Variants in APPBP2 observed in about 807,000 individuals in gnomAD.
APPBP2 encodes amyloid beta precursor protein binding protein 2.
A neutral mutation model predicts 76.0 loss-of-function variants in APPBP2; 15 were observed. That is an observed-to-expected ratio of 0.20 (90% CI 0.13 to 0.30). APPBP2 has a LOEUF of 0.30. Ranked by LOEUF, APPBP2 falls within the 10% of genes least tolerant of loss-of-function variation. APPBP2 has a pLI of 1.00. For synonymous variants in APPBP2, 222 were observed against 242.2 expected, an observed-to-expected ratio of 0.92 and a Z score of 0.77; for missense variants, 401 against 687.2, an observed-to-expected ratio of 0.58 and a Z score of 4.66.
chr17:60,495,544 T>TCA (rs1397023213), intron 2 of APPBP2, among the ~76,000 whole-genome samples: 2 of 151,914 alleles, frequency 1.3e-5, no homozygotes, highest in African/African-American at 4.8e-5. Flanking sequence ...TGATCATAGC[T>TCA]CACTGTAGCC....
chr17:60,526,184 C>G lies in APPBP2; in HGVS notation c.-253G>C, dbSNP rs915634575. On this transcript the variant is annotated 5_prime_UTR_variant, in exon 1 of 13. Transcript: ENST00000083182. ...GGCCAAAAGCGTCACAATCCCGGTT[C>G]GAGAGGAACCCGGGTTCCGTCCCAG... 2 of 482,960 alleles carry G rather than the reference C, an allele frequency of 4.1e-6. No homozygotes were observed. Among genetic ancestry groups the G allele is most frequent in the South Asian group, 2.1e-5 (1 of 47,528 alleles). 29.9% of individuals were successfully genotyped at this position (482,960 alleles called of 1,614,324 possible).
intron 1 of APPBP2, among the ~76,000 whole-genome samples, chr17:60,520,133 G>T (rs1598378798): frequency 6.6e-6 from 1 of 152,014 alleles, no homozygotes; most frequent in Admixed American, 6.6e-5. Context: ...AGTTCAGGCT[G>T]TATGTAGCTA....
intron 1 of APPBP2, among the ~76,000 whole-genome samples, chr17:60,521,128 C>T (rs368554504): frequency 2.6e-5 from 4 of 152,110 alleles, no homozygotes; most frequent in East Asian, 3.9e-4. Flanking sequence ...ATCTTACCTG[C>T]TTTTATACCA....
At chr17:60,494,726 A>C in intron 2 of APPBP2, 109 bp from the exon 3 acceptor site, 1 of 1,054,892 alleles carries the variant, frequency 9.5e-7, no homozygotes, top group Non-Finnish European at 1.3e-6. Flanking sequence ...TCCAGGACGG[A>C]ATAAGATAAA....
chr17:60,491,383 T>C (rs1392424937), intron 3 of APPBP2, among the ~76,000 whole-genome samples: 2 of 152,314 alleles, frequency 1.3e-5, no homozygotes, highest in East Asian at 1.9e-4. Flanking sequence ...AAGAGGTGAC[T>C]GGAGTGCTGT....
chr17:60,447,870 A>T, intron 12 of APPBP2, 36 bp from the exon 13 acceptor site: 1 of 1,526,318 alleles, frequency 6.6e-7, no homozygotes, highest in Non-Finnish European at 8.8e-7. Flanking sequence ...AAAAAAAAGC[A>T]CAAATAATGA....
At chr17:60,458,498 C>A (rs1465695288) in intron 9 of APPBP2, among the ~76,000 whole-genome samples, 1 of 151,634 alleles carries the variant, frequency 6.6e-6, no homozygotes, top group Non-Finnish European at 1.5e-5. Flanking sequence ...ATTCTTCATT[C>A]TTTCTTTTAT....
At chr17:60,478,595 C>T (rs2090607341) in intron 4 of APPBP2, among the ~76,000 whole-genome samples, 1 of 152,166 alleles carries the variant, frequency 6.6e-6, no homozygotes, top group Non-Finnish European at 1.5e-5. Context: ...AATAAACAAA[C>T]AAGCTCTATG....
chr17:60,514,125 G>A (rs757945242), intron 1 of APPBP2, among the ~76,000 whole-genome samples: 5 of 151,664 alleles, frequency 3.3e-5, no homozygotes, highest in South Asian at 2.1e-4. Context: ...TGAACAATGC[G>A]GCAAAATCTC....
intron 12 of APPBP2, 141 bp from the exon 13 acceptor site, chr17:60,447,975 G>T: frequency 1.3e-6 from 1 of 780,782 alleles, no homozygotes; most frequent in Non-Finnish European, 2.0e-6. Context: ...TATAATTCTT[G>T]TATCAGCATC....
rs2090841808 is a variant in APPBP2, at chr17:60,503,743, AT to A, written c.139-3257del. ...TTTTGGATACCAATCCAGAAAAAAA[AT>A]AACTTCTAATCTTTTATGTGTCAGG... is the stretch of plus-strand genomic sequence containing the variant. On this transcript the variant is annotated intron_variant, in intron 1 of 12. Coordinates refer to ENST00000083182, the MANE Select transcript of APPBP2 (RefSeq NM_006380.5). 2.7e-5 allele frequency among the ~76,000 whole-genome samples: 4 copies of A among 146,960 alleles called. No homozygotes were observed. In the South Asian group the frequency reaches 6.2e-4, roughly 23 times the overall value.
rs1367002590 is a variant in APPBP2 at position 60,447,574 on chromosome 17, T to C, written c.*7A>G. 6.3e-7 allele frequency: 1 copy of C among 1,599,818 alleles called. No homozygotes were observed. Among genetic ancestry groups the C allele is most frequent in the Non-Finnish European group, 8.5e-7 (1 of 1,172,286 alleles). On this transcript the variant is annotated 3_prime_UTR_variant, in exon 13 of 13. Transcript: ENST00000083182. Reference sequence around the variant, plus strand: ...GGAAAAGGTAATTGGTTAACTGAGGTCCTCCCTCAGCAGCTCGGTCCCTCG... The same window carrying C: ...GGAAAAGGTAATTGGTTAACTGAGGCCCTCCCTCAGCAGCTCGGTCCCTCG...
intron 3 of APPBP2, among the ~76,000 whole-genome samples, chr17:60,490,541 T>A (rs755478034): frequency 6.6e-6 from 1 of 152,166 alleles, no homozygotes; most frequent in African/African-American, 2.4e-5. Flanking sequence ...TGTTGACACA[T>A]GCCTGTTGTC....
rs1008776312 is a variant in APPBP2, at chr17:60,523,876, C to A, written c.138+1918G>T. Among the ~76,000 whole-genome samples, 12 of 152,200 alleles carry A rather than the reference C, an allele frequency of 7.9e-5. No individual in the cohort carries two copies. The South Asian group carries it at 2.5e-3, about 32-fold the overall frequency. On this transcript the variant is annotated intron_variant, in intron 1 of 12. Coordinates refer to ENST00000083182, the MANE Select transcript of APPBP2 (RefSeq NM_006380.5). Reference sequence around the variant, plus strand: ...CAGGAACTAAATATCAGGTTTGAGACCTTAATTAAATTACTTAACTTTCTC... The same window carrying A: ...CAGGAACTAAATATCAGGTTTGAGAACTTAATTAAATTACTTAACTTTCTC...
chr17:60,495,045 C>T (rs182928470), intron 2 of APPBP2, among the ~76,000 whole-genome samples: 7 of 140,370 alleles, frequency 5.0e-5, no homozygotes, highest in East Asian at 2.2e-4. Context: ...AGTGCAGTGG[C>T]GTGGTCTCGG....
At chr17:60,503,733 C>T (rs1296440365) in intron 1 of APPBP2, among the ~76,000 whole-genome samples, 1 of 146,288 alleles carries the variant, frequency 6.8e-6, no homozygotes, top group Non-Finnish European at 1.5e-5. Context: ...GATACCAATC[C>T]AGAAAAAAAA....
At chr17:60,503,165 ACCAC>A (rs1567937540) in intron 1 of APPBP2, among the ~76,000 whole-genome samples, 1 of 144,796 alleles carries the variant, frequency 6.9e-6, no homozygotes, top group Non-Finnish European at 1.5e-5. Context: ...GGCGCGGGAT[ACCAC>A]GCCCAGGTAA....
chr17:60,485,794 G>A (rs1040898910), intron 3 of APPBP2, among the ~76,000 whole-genome samples: 2 of 151,988 alleles, frequency 1.3e-5, no homozygotes, highest in African/African-American at 2.4e-5. Context: ...GTGATGGTAG[G>A]GTGTGAATTG....
chr17:60,471,933 C>G (rs1268210718), intron 4 of APPBP2, among the ~76,000 whole-genome samples: 1 of 152,120 alleles, frequency 6.6e-6, no homozygotes, highest in Non-Finnish European at 1.5e-5. Flanking sequence ...CGAGACCAGC[C>G]TGGCCAACAT....
Sources: allele counts gnomAD v4.1 joint callset (sites outside exome capture counted in the v4.1 genomes callset), GRCh38; gene constraint gnomAD v4.1.1; transcripts MANE v1.5; gene names NCBI Gene and HGNC (gene_info 2026-07-23, HGNC 2026-07-21).